The following TPST2 variants were observed in gnomAD, a reference collection of about 807,000 sequenced individuals.
TPST2 encodes protein-tyrosine sulfotransferase 2.
TPST2 carries 16 observed loss-of-function variants against 27.8 expected under a neutral mutation model. The observed-to-expected ratio is 0.58, with a 90% CI of 0.39 to 0.88. TPST2 has a LOEUF of 0.88. Ranked by LOEUF, TPST2 falls within the 40% of genes least tolerant of loss-of-function variation. The probability of loss-of-function intolerance (pLI) is 0.00; values close to 1 mark genes in which losing one functional copy is unlikely to be tolerated. For synonymous variants in TPST2, 229 were observed against 231.7 expected, an observed-to-expected ratio of 0.99 and a Z score of 0.10; for missense variants, 464 against 543.1, an observed-to-expected ratio of 0.85 and a Z score of 1.45.
At chr22:26,568,206 GA>G (rs1383635288) in intron 1 of TPST2, among the ~76,000 whole-genome samples, 2 of 152,192 alleles carry the variant, frequency 1.3e-5, no homozygotes, top group Non-Finnish European at 2.9e-5. Context: ...CAAATAAACA[GA>G]TATATACTAA....
intron 1 of TPST2, among the ~76,000 whole-genome samples, chr22:26,586,998 T>TG (rs1178296361): frequency 3.3e-5 from 5 of 152,178 alleles, no homozygotes; most frequent in Non-Finnish European, 1.5e-5. Context: ...ATCTCAGGCC[T>TG]GGGGGGTGGC....
At chr22:26,570,032 AAAG>A (rs1927561607) in intron 1 of TPST2, among the ~76,000 whole-genome samples, 1 of 136,854 alleles carries the variant, frequency 7.3e-6, no homozygotes, top group Non-Finnish European at 1.6e-5. Flanking sequence ...AGAAAGAAAG[AAAG>A]AAAGAAAGAC....
chr22:26,548,079 A>C (rs998791429), intron 1 of TPST2, among the ~76,000 whole-genome samples: 1 of 152,182 alleles, frequency 6.6e-6, no homozygotes. Context: ...CGTCTGTAAA[A>C]TGGGGATGAT....
chr22:26,578,527 A>G (rs951840833), intron 1 of TPST2, among the ~76,000 whole-genome samples: 1 of 152,176 alleles, frequency 6.6e-6, no homozygotes, highest in African/African-American at 2.4e-5. Context: ...GGACTGTGCC[A>G]TGGGGACTAT....
At chr22:26,553,074 A>AG (rs918654764) in intron 1 of TPST2, among the ~76,000 whole-genome samples, 3 of 150,058 alleles carry the variant, frequency 2.0e-5, no homozygotes, top group Non-Finnish European at 4.4e-5. Context: ...AAAAAAAAAA[A>AG]AAAAAAAAAA....
At chr22:26,526,681 A>G (rs1412218483) in intron 6 of TPST2, among the ~76,000 whole-genome samples, 1 of 152,268 alleles carries the variant, frequency 6.6e-6, no homozygotes, top group African/African-American at 2.4e-5. Flanking sequence ...GAGAAGGTCC[A>G]GGATTCTACT....
chr22:26,577,577 C>G (rs1320633930), intron 1 of TPST2, among the ~76,000 whole-genome samples: 1 of 151,140 alleles, frequency 6.6e-6, no homozygotes, highest in African/African-American at 2.4e-5. Context: ...TCTCGAACTC[C>G]TGACCTTGTA....
At chr22:26,562,598 T>C (rs1246610688) in intron 1 of TPST2, among the ~76,000 whole-genome samples, 1 of 149,090 alleles carries the variant, frequency 6.7e-6, no homozygotes, top group African/African-American at 2.4e-5. Context: ...AGGGGAGCCA[T>C]CTACACTTGC....
chr22:26,584,326 A>T (rs1928249959), intron 1 of TPST2, among the ~76,000 whole-genome samples: 1 of 152,144 alleles, frequency 6.6e-6, no homozygotes, highest in Non-Finnish European at 1.5e-5. Flanking sequence ...GGGAATCTGG[A>T]CTTTACAGGC....
chr22:26,555,479 C>A (rs1215549660), intron 1 of TPST2, among the ~76,000 whole-genome samples: 1 of 152,210 alleles, frequency 6.6e-6, no homozygotes, highest in Admixed American at 6.5e-5. Flanking sequence ...CCTGTTATAA[C>A]GTTTAACATT....
At chr22:26,558,966 T>C (rs1437870194) in intron 1 of TPST2, among the ~76,000 whole-genome samples, 1 of 152,268 alleles carries the variant, frequency 6.6e-6, no homozygotes, top group Non-Finnish European at 1.5e-5. Flanking sequence ...TGACATTATT[T>C]ACAATTTTTA....
chr22:26,576,932 T>TA (rs1431774887), intron 1 of TPST2, among the ~76,000 whole-genome samples: 3 of 151,170 alleles, frequency 2.0e-5, no homozygotes, highest in Non-Finnish European at 4.4e-5. Flanking sequence ...CCGTCTCTAC[T>TA]AAAAATACAA....
intron 1 of TPST2, among the ~76,000 whole-genome samples, chr22:26,583,818 C>T (rs1327767850): frequency 2.6e-5 from 4 of 152,000 alleles, no homozygotes; most frequent in South Asian, 4.2e-4. Flanking sequence ...CCAGCCTGGG[C>T]GACAAGAGCG....
At chr22:26,575,992 T>C (rs1927821088) in intron 1 of TPST2, among the ~76,000 whole-genome samples, 1 of 150,798 alleles carries the variant, frequency 6.6e-6, no homozygotes, top group Non-Finnish European at 1.5e-5. Flanking sequence ...CGAGACTCCA[T>C]CTCAAAATAA....
At chr22:26,563,139 G>C (rs1385458679) in intron 1 of TPST2, among the ~76,000 whole-genome samples, 1 of 152,090 alleles carries the variant, frequency 6.6e-6, no homozygotes, top group Non-Finnish European at 1.5e-5. Context: ...GTCTTTCCGT[G>C]TCAGCATGTT....
intron 1 of TPST2, among the ~76,000 whole-genome samples, chr22:26,548,446 G>A (rs1016354607): frequency 1.3e-5 from 2 of 150,990 alleles, no homozygotes. Flanking sequence ...GAAAGGAAAG[G>A]GGAAAGGTAA....
chr22:26,580,274 C>G (rs189594859), intron 1 of TPST2, among the ~76,000 whole-genome samples: 1 of 152,252 alleles, frequency 6.6e-6, no homozygotes, highest in Non-Finnish European at 1.5e-5. Context: ...AATCACCAGA[C>G]AGAGAAGGAG....
chr22:26,559,192 C>T (rs2157393), intron 1 of TPST2, among the ~76,000 whole-genome samples: 65,576 of 152,014 alleles, frequency 0.43, 14,282 homozygotes, highest in East Asian at 0.52. Context: ...ATGGTGAAAC[C>T]CTGTCTCTAC....
chr22:26,537,370 A>G (rs894892247), intron 3 of TPST2, among the ~76,000 whole-genome samples: 32 of 152,250 alleles, frequency 2.1e-4, no homozygotes, highest in African/African-American at 7.2e-4. Context: ...ATTGGCAATG[A>G]TAGTAGTACC....
Sources: allele counts gnomAD v4.1 joint callset (sites outside exome capture counted in the v4.1 genomes callset), GRCh38; gene constraint gnomAD v4.1.1; transcripts MANE v1.5; gene names NCBI Gene and HGNC (gene_info 2026-07-23, HGNC 2026-07-21).